The following CDH4 variants were observed in gnomAD, a reference collection of about 807,000 sequenced individuals.
CDH4 encodes the protein cadherin 4, also known as cadherin-4.
Under a neutral mutation model 86.0 loss-of-function variants are expected in CDH4, and 33 were observed. The observed-to-expected ratio is 0.38, with a 90% CI of 0.29 to 0.51. The LOEUF (loss-of-function observed/expected upper bound fraction) is 0.51. Among genes scored for constraint, CDH4 ranks in the 20% least tolerant of loss-of-function variants. The pLI, the probability that CDH4 is intolerant of heterozygous loss-of-function variation, is 0.86. For missense variants in CDH4, 1,114 were observed against 1,307.4 expected, an observed-to-expected ratio of 0.85 and a Z score of 2.28; for synonymous variants, 555 against 549.4, an observed-to-expected ratio of 1.01 and a Z score of -0.14.
chr20:61,704,722 C>T (rs184939527), intron 2 of CDH4, among the ~76,000 whole-genome samples: 16 of 152,218 alleles, frequency 1.1e-4, no homozygotes, highest in Non-Finnish European at 1.9e-4. Flanking sequence ...CGGTGTCAGC[C>T]GGGATGTCTG....
intron 2 of CDH4, among the ~76,000 whole-genome samples, chr20:61,304,263 A>AAC (rs11390255): frequency 1.3e-5 from 2 of 150,262 alleles, no homozygotes; most frequent in South Asian, 4.3e-4. Context: ...AGTGGACGGC[A>AAC]CCCCCCCAAC....
intron 2 of CDH4, among the ~76,000 whole-genome samples, chr20:61,543,559 T>C (rs1346202694): frequency 6.6e-6 from 1 of 152,204 alleles, no homozygotes; most frequent in Admixed American, 6.5e-5. Context: ...AACCAAGCAT[T>C]ATCTTTCTAT....
At chr20:61,541,752 C>T (rs2086041238) in intron 2 of CDH4, among the ~76,000 whole-genome samples, 1 of 152,200 alleles carries the variant, frequency 6.6e-6, no homozygotes, top group Non-Finnish European at 1.5e-5. Flanking sequence ...CTGTGAGCCT[C>T]TCCCCGTGGG....
chr20:61,312,290 T>C (rs987250797), intron 2 of CDH4, among the ~76,000 whole-genome samples: 61 of 151,078 alleles, frequency 4.0e-4, no homozygotes, highest in African/African-American at 1.5e-3. Flanking sequence ...GATGTATGCA[T>C]ATGTCAGTGT....
In CDH4 at chr20:61,465,485, G is replaced by C. The variant is rs2085467072; in HGVS notation, c.169+210548G>C. Among the ~76,000 whole-genome samples, 11 of 152,184 alleles carry C rather than the reference G, an allele frequency of 7.2e-5. No individual in the cohort carries two copies. In the South Asian group the frequency reaches 2.3e-3, roughly 32 times the overall value. ...AGTTGTACTTTTATTATCTTAAAAA[G>C]ATTGTTCTTGGTGTGGTGAGGCTCT... On this transcript the variant is annotated intron_variant, in intron 2 of 15. Transcript: ENST00000614565.
intron 2 of CDH4, among the ~76,000 whole-genome samples, chr20:61,611,580 C>T (rs2145759958): frequency 1.3e-5 from 2 of 152,222 alleles, no homozygotes; most frequent in South Asian, 4.1e-4. Context: ...TGGAGCTGCA[C>T]CTCTGGGCCA....
chr20:61,274,568 G>A (rs2084214325), intron 2 of CDH4, among the ~76,000 whole-genome samples: 1 of 150,908 alleles, frequency 6.6e-6, no homozygotes, highest in African/African-American at 2.5e-5. Context: ...GGAGTACCGT[G>A]CACAGCTTGG....
At chr20:61,515,533 G>A (rs1568872875) in intron 2 of CDH4, among the ~76,000 whole-genome samples, 1 of 152,176 alleles carries the variant, frequency 6.6e-6, no homozygotes, top group African/African-American at 2.4e-5. Flanking sequence ...GCTGCCTGTT[G>A]GGAGTCGGTT....
intron 2 of CDH4, among the ~76,000 whole-genome samples, chr20:61,361,790 G>C (rs574130647): frequency 6.6e-6 from 1 of 152,316 alleles, no homozygotes; most frequent in African/African-American, 2.4e-5. Context: ...GGGAGGAGGT[G>C]CCGTGGTGCG....
chr20:61,519,658 G>A (rs779033205), intron 2 of CDH4, among the ~76,000 whole-genome samples: 6 of 152,236 alleles, frequency 3.9e-5, no homozygotes, highest in Non-Finnish European at 8.8e-5. Flanking sequence ...CAGCATCGCA[G>A]GGCGATTACC....
intron 2 of CDH4, among the ~76,000 whole-genome samples, chr20:61,667,975 T>C (rs1183920952): frequency 1.3e-5 from 2 of 152,224 alleles, no homozygotes; most frequent in Non-Finnish European, 2.9e-5. Flanking sequence ...TTGCAGACAT[T>C]AGAGTAAGTG....
intron 2 of CDH4, among the ~76,000 whole-genome samples, chr20:61,578,127 G>C (rs73914888): frequency 0.015 from 2,253 of 152,210 alleles, 56 homozygotes; most frequent in African/African-American, 0.049. Flanking sequence ...TGTCCTCTCT[G>C]CCAGCTGTCA....
intron 2 of CDH4, among the ~76,000 whole-genome samples, chr20:61,310,338 C>T (rs772013290): frequency 9.2e-5 from 14 of 152,180 alleles, no homozygotes; most frequent in African/African-American, 2.2e-4. Flanking sequence ...TGGTCCCCAA[C>T]GTTTTTGGCA....
In CDH4 at chr20:61,879,715, G is replaced by A. The variant is rs891853450; in HGVS notation, c.1050+5815G>A. Among the ~76,000 whole-genome samples, 2 of 152,012 alleles carry A rather than the reference G, an allele frequency of 1.3e-5. No individual in the cohort carries two copies. Among genetic ancestry groups the A allele is most frequent in the Non-Finnish European group, 2.9e-5 (2 of 67,972 alleles). The stretch of plus-strand genomic sequence containing the variant: ...GGCCTAATGAGGAGGTGAACGTGCC[G>A]CCCGAGCCCCGTCCTGAAGGTGAGA... On this transcript the variant is annotated intron_variant, in intron 7 of 15. Coordinates refer to ENST00000614565, the MANE Select transcript of CDH4 (RefSeq NM_001794.5). The surrounding 1 kb of genome is among the most constrained non-coding windows in gnomAD (Gnocchi z 4.1).
At chr20:61,397,515 C>T (rs1009367102) in intron 2 of CDH4, among the ~76,000 whole-genome samples, 3 of 152,188 alleles carry the variant, frequency 2.0e-5, no homozygotes, top group African/African-American at 7.2e-5. Flanking sequence ...GATACGCCGT[C>T]GAGACCGAAC....
chr20:61,522,520 G>T (rs1186419845), intron 2 of CDH4, among the ~76,000 whole-genome samples: 1 of 152,244 alleles, frequency 6.6e-6, no homozygotes, highest in East Asian at 1.9e-4. Flanking sequence ...GAATGGTTAT[G>T]GTTAGCATAA....
At chr20:61,548,054 G>A (rs574293452) in intron 2 of CDH4, among the ~76,000 whole-genome samples, 8 of 152,308 alleles carry the variant, frequency 5.3e-5, no homozygotes, top group African/African-American at 1.7e-4. Flanking sequence ...AACCCTCAGG[G>A]CAGGGCTCCT....
chr20:61,256,859 G>A lies in CDH4; in HGVS notation c.169+1922G>A, dbSNP rs144956776. ...CCCTTCTCACTGTTTTCTTCCACTC[G>A]TTCTTCTGAAGGTGTAGAGTCTCAG... On this transcript the variant is annotated intron_variant, in intron 2 of 15. Coordinates refer to ENST00000614565, the MANE Select transcript of CDH4 (RefSeq NM_001794.5). Among the ~76,000 whole-genome samples, 135 of 152,278 alleles carry A rather than the reference G, an allele frequency of 8.9e-4. 1 individual carries two copies. The highest frequency in any genetic ancestry group is 1.5e-3 in the Admixed American group (23 of 15,300).
intron 2 of CDH4, among the ~76,000 whole-genome samples, chr20:61,423,327 C>G (rs1186117399): frequency 2.0e-5 from 3 of 152,192 alleles, no homozygotes; most frequent in African/African-American, 7.2e-5. Flanking sequence ...GGTGTGCACT[C>G]ACCTCACAGA....
Sources: gnomAD v4.1 joint callset for allele counts (sites outside exome capture counted in the v4.1 genomes callset) on GRCh38, gnomAD v4.1.1 for gene constraint, Gnocchi (gnomAD v3.1) non-coding constraint, MANE v1.5 for transcripts, NCBI Gene and HGNC (gene_info 2026-07-23, HGNC 2026-07-21) for gene names.